Variants in LINC01488 observed in about 807,000 individuals in gnomAD.
LINC01488 encodes CCND1-upstream intergenic DNA repair 1.
At chr11:69,483,247 C>A (rs1227386964) in intron 1 of LINC01488, among the ~76,000 whole-genome samples, 1 of 152,192 alleles carries the variant, frequency 6.6e-6, no homozygotes, top group Non-Finnish European at 1.5e-5. Context: ...GAGTCCTCTG[C>A]CCCATGGACC....
chr11:69,487,543 T>C (rs1480163520), intron 1 of LINC01488, among the ~76,000 whole-genome samples: 1 of 152,208 alleles, frequency 6.6e-6, no homozygotes, highest in Admixed American at 6.5e-5. Flanking sequence ...CCGTGTGGTG[T>C]CCACGTGTGC....
chr11:69,484,497 G>A (rs1290279414), intron 1 of LINC01488, among the ~76,000 whole-genome samples: 1 of 152,186 alleles, frequency 6.6e-6, no homozygotes, highest in Non-Finnish European at 1.5e-5. Flanking sequence ...CACAACTTCA[G>A]GTGACTCCCC....
At chr11:69,492,927 G>C (rs537626) in exon 4 of LINC01488, 27,709 of 152,250 alleles carry the variant, frequency 0.18, 2,911 homozygotes, top group African/African-American at 0.27. Flanking sequence ...GCTGAAAAAA[G>C]AGAAAGTGGC....
At chr11:69,484,259 G>C (rs1236290143) in intron 1 of LINC01488, among the ~76,000 whole-genome samples, 2 of 152,208 alleles carry the variant, frequency 1.3e-5, no homozygotes, top group Admixed American at 1.3e-4. Context: ...GGGAGAAGGA[G>C]AGTCAGCGCT....
intron 1 of LINC01488, among the ~76,000 whole-genome samples, chr11:69,483,836 G>A (rs1458800788): frequency 6.6e-6 from 1 of 152,248 alleles, no homozygotes; most frequent in Non-Finnish European, 1.5e-5. Flanking sequence ...CCGGCTGGCG[G>A]GCAGCAAATG....
chr11:69,481,957 G>A (rs888102815), intron 1 of LINC01488, among the ~76,000 whole-genome samples: 1 of 151,978 alleles, frequency 6.6e-6, no homozygotes, highest in African/African-American at 2.4e-5. Context: ...GTAGATGGAT[G>A]GATGGATGAT....
intron 1 of LINC01488, among the ~76,000 whole-genome samples, chr11:69,485,008 C>A (rs1057201966): frequency 2.6e-5 from 4 of 152,208 alleles, no homozygotes; most frequent in Non-Finnish European, 5.9e-5. Context: ...GTGCTAAAAT[C>A]TCTGAACCAC....
chr11:69,483,172 C>T (rs1417818644), intron 1 of LINC01488, among the ~76,000 whole-genome samples: 3 of 152,166 alleles, frequency 2.0e-5, no homozygotes, highest in Non-Finnish European at 4.4e-5. Flanking sequence ...CAGGTCTGTG[C>T]AAGGGAGGGC....
intron 1 of LINC01488, chr11:69,487,952 G>A (rs1302815792): frequency 6.6e-6 from 1 of 152,408 alleles, no homozygotes; most frequent in African/African-American, 2.4e-5. Context: ...TTCTGCAGAG[G>A]AGGAAACTGA....
intron 1 of LINC01488, among the ~76,000 whole-genome samples, chr11:69,482,841 C>G (rs80026581): frequency 6.6e-6 from 1 of 152,132 alleles, no homozygotes; most frequent in Admixed American, 6.5e-5. Context: ...TTCCTTGGCT[C>G]GTAGACAGCA....
intron 1 of LINC01488, among the ~76,000 whole-genome samples, chr11:69,489,798 C>T (rs1857189636): frequency 6.6e-6 from 1 of 152,234 alleles, no homozygotes; most frequent in Non-Finnish European, 1.5e-5. Context: ...CCCCCGTGGC[C>T]GAGCCTCCCA....
chr11:69,487,428 C>T (rs1165010714), intron 1 of LINC01488, among the ~76,000 whole-genome samples: 2 of 152,226 alleles, frequency 1.3e-5, no homozygotes, highest in African/African-American at 4.8e-5. Context: ...CCCATTTTCT[C>T]ATCTGTGAGT....
At chr11:69,492,021 G>A (rs1857231108) in intron 3 of LINC01488, 1 of 152,364 alleles carries the variant, frequency 6.6e-6, no homozygotes. Flanking sequence ...GATGGGTTTG[G>A]ACCTCATCGG....
intron 1 of LINC01488, chr11:69,488,090 G>T (rs935180670): frequency 6.6e-6 from 1 of 152,326 alleles, no homozygotes; most frequent in Non-Finnish European, 1.5e-5. Flanking sequence ...CTGCATGCAC[G>T]GCACAGGCCT....
chr11:69,482,082 A>G (rs1590867496), intron 1 of LINC01488, among the ~76,000 whole-genome samples: 1 of 152,118 alleles, frequency 6.6e-6, no homozygotes, highest in East Asian at 2.0e-4. Context: ...CATACCTGAG[A>G]CTGCATAATT....
chr11:69,482,144 C>T (rs1458306214), intron 1 of LINC01488, among the ~76,000 whole-genome samples: 1 of 152,098 alleles, frequency 6.6e-6, no homozygotes, highest in African/African-American at 2.4e-5. Context: ...CTGGGGAGGC[C>T]TCACAATCAT....
intron 1 of LINC01488, among the ~76,000 whole-genome samples, chr11:69,490,118 C>A (rs966511807): frequency 2.0e-5 from 3 of 152,214 alleles, no homozygotes; most frequent in Admixed American, 2.0e-4. Context: ...TGCCCCAGCC[C>A]CTCACACATG....
exon 4 of LINC01488, chr11:69,492,818 C>T (rs1004869890): frequency 6.6e-6 from 1 of 152,246 alleles, no homozygotes; most frequent in African/African-American, 2.4e-5. Context: ...TCCTGGAATG[C>T]TGTGGGTTGT....
chr11:69,487,181 G>C (rs1857136693), intron 1 of LINC01488, among the ~76,000 whole-genome samples: 1 of 152,230 alleles, frequency 6.6e-6, no homozygotes, highest in Non-Finnish European at 1.5e-5. Context: ...GTGTCCCCAA[G>C]GCTTGGGTGC....
Sources: allele counts gnomAD v4.1 joint callset (sites outside exome capture counted in the v4.1 genomes callset), GRCh38; gene constraint gnomAD v4.1.1; transcripts MANE v1.5; gene names NCBI Gene and HGNC (gene_info 2026-07-23, HGNC 2026-07-21).